The following PDCD7 variants were observed in gnomAD, a reference collection of about 807,000 sequenced individuals.
The protein encoded by PDCD7 is programmed cell death 7.
A neutral mutation model predicts 42.1 loss-of-function variants in PDCD7; 40 were observed. That is an observed-to-expected ratio of 0.95 (90% CI 0.74 to 1.24). PDCD7 has a LOEUF of 1.24. PDCD7 is among the 50% of genes most tolerant of loss of function. The probability of loss-of-function intolerance (pLI) is 0.00; values close to 1 mark genes in which losing one functional copy is unlikely to be tolerated. For synonymous variants in PDCD7, 299 were observed against 303.3 expected (o/e 0.99, Z 0.15); for missense variants, 644 against 662.8 (o/e 0.97, Z 0.31).
intron 1 of PDCD7, among the ~76,000 whole-genome samples, chr15:65,130,631 CT>C (rs2087532200): frequency 6.6e-6 from 1 of 152,202 alleles, no homozygotes; most frequent in South Asian, 2.1e-4. Context: ...TTGGATTACT[CT>C]GTTTCCCTGG....
At chr15:65,131,831 G>A (rs967036802) in intron 1 of PDCD7, among the ~76,000 whole-genome samples, 1 of 152,080 alleles carries the variant, frequency 6.6e-6, no homozygotes, top group East Asian at 1.9e-4. Context: ...AAGAGTCTGA[G>A]ATCAATACGC....
intron 1 of PDCD7, 152 bp from the exon 2 acceptor site, chr15:65,129,322 C>G (rs2087521303): frequency 1.2e-6 from 1 of 802,276 alleles, no homozygotes; most frequent in African/African-American, 1.7e-5. Context: ...AGGCCTTGCA[C>G]AACTCCCCTC....
At chr15:65,124,196 T>C (rs1029940007) in intron 2 of PDCD7, among the ~76,000 whole-genome samples, 2 of 151,290 alleles carry the variant, frequency 1.3e-5, no homozygotes, top group African/African-American at 4.9e-5. Context: ...CTGAGGCGGG[T>C]AGATTACCTG....
intron 4 of PDCD7, 62 bp downstream of exon 4, chr15:65,119,314 A>C: frequency 9.1e-7 from 1 of 1,093,544 alleles, no homozygotes; most frequent in Non-Finnish European, 1.4e-6. Context: ...CAATGTAAGC[A>C]CTTCTTCAAG....
chr15:65,126,594 A>C (rs187725826), intron 2 of PDCD7, among the ~76,000 whole-genome samples: 42 of 152,152 alleles, frequency 2.8e-4, no homozygotes, highest in African/African-American at 1.0e-3. Flanking sequence ...TCTCTACAAA[A>C]AATTTAAAAA....
At position 65,129,079 on chromosome 15, in the gene PDCD7, G is replaced by GC. The variant is rs777926110; in HGVS notation, c.961dup (p.Ala321GlyfsTer26). Reference sequence around the variant, plus strand: ...CCTCAGTTTCCTCAATTTCTCCAAAGCCCGTAGAATGTCCACCATTCTTTT... The same window carrying GC: ...CCTCAGTTTCCTCAATTTCTCCAAAGCCCCGTAGAATGTCCACCATTCTTTT... On this transcript the variant is annotated frameshift_variant, in exon 2 of 5. Transcript: ENST00000204549. LOFTEE classifies it high-confidence loss of function. 3.1e-6 allele frequency: 5 copies of GC among 1,614,026 alleles called. No individual in the cohort carries two copies. The East Asian group carries it at 1.1e-4, about 36-fold the overall frequency.
At chr15:65,119,286 G>A in intron 4 of PDCD7, 90 bp downstream of exon 4, 6 of 728,856 alleles carry the variant, frequency 8.2e-6, no homozygotes, top group South Asian at 1.9e-5. Flanking sequence ...AAAAAAAAAA[G>A]ACAGTAATAG....
Position 65,118,684 on chromosome 15 carries a change from C to T in PDCD7, c.*33G>A, listed in dbSNP as rs758078611. 2.1e-5 allele frequency: 33 copies of T among 1,559,048 alleles called. No individual in the cohort carries two copies. Among genetic ancestry groups the T allele is most frequent in the African/African-American group, 2.8e-5 (2 of 72,556 alleles). On this transcript the variant is annotated 3_prime_UTR_variant, in exon 5 of 5. Coordinates refer to ENST00000204549, the MANE Select transcript of PDCD7 (RefSeq NM_005707.2). ...CGCTAATATTTACAGCTGGAAAGAGCGCTGGCTGGACCACACTCCTGGAGC... is the reference window on the plus strand; with the variant it reads ...CGCTAATATTTACAGCTGGAAAGAGTGCTGGCTGGACCACACTCCTGGAGC...
chr15:65,125,991 T>A (rs776463839), intron 2 of PDCD7, among the ~76,000 whole-genome samples: 1 of 152,170 alleles, frequency 6.6e-6, no homozygotes, highest in Non-Finnish European at 1.5e-5. Flanking sequence ...TCAGATCTCA[T>A]GAGACTTATG....
intron 1 of PDCD7, among the ~76,000 whole-genome samples, chr15:65,129,387 A>G (rs1314441563): frequency 1.3e-5 from 2 of 151,884 alleles, no homozygotes; most frequent in Non-Finnish European, 2.9e-5. Context: ...TTAAAGGAGA[A>G]CCTCTCCTCT....
chr15:65,132,348 A>G (rs2087547263), intron 1 of PDCD7, among the ~76,000 whole-genome samples: 1 of 148,962 alleles, frequency 6.7e-6, no homozygotes, highest in Admixed American at 6.7e-5. Context: ...CAGTGGTGCG[A>G]TCTCGGCTCA....
intron 2 of PDCD7, among the ~76,000 whole-genome samples, chr15:65,121,756 G>A (rs1429878029): frequency 6.6e-6 from 1 of 152,296 alleles, no homozygotes. Context: ...TGATATCAAA[G>A]AATTACTGCT....
Position 65,133,382 on chromosome 15 carries a change from C to G in PDCD7, c.400G>C (p.Gly134Arg). The change falls in exon 1 of 5, where the codon GGG becomes CGG. Residue 134 changes from glycine to arginine, a missense_variant. By Grantham distance (125) the Gly-to-Arg change is moderately radical. Transcript: ENST00000204549. ...CGCAGGCGTTGGAGGGCCGCATCCC[C>G]GAGCACGTCGGCCGGCGGCGGCGGC... ...EAPPPPADVL[G>R]DAALQRLRDR... 1.7e-6 allele frequency: 2 copies of G among 1,203,110 alleles called. No homozygotes were observed. The highest frequency in any genetic ancestry group is 2.1e-6 in the Non-Finnish European group (2 of 970,246). 74.5% of individuals were successfully genotyped at this position (1,203,110 alleles called of 1,614,324 possible). A position where few individuals can be genotyped will look rare whatever the true frequency, so the allele number is the denominator to read the frequency against.
chr15:65,133,626 G>A lies in PDCD7; in HGVS notation c.156C>T (p.Ser52=), dbSNP rs1229378850. 1 of 1,250,058 alleles carries A rather than the reference G, an allele frequency of 8.0e-7. No individual in the cohort carries two copies. Among genetic ancestry groups the A allele is most frequent in the Non-Finnish European group, 1.0e-6 (1 of 994,746 alleles). 77.4% of individuals were successfully genotyped at this position (1,250,058 alleles called of 1,614,324 possible). The change falls in exon 1 of 5, where the codon TCC becomes TCT. Residue 52 remains serine, a synonymous_variant. Coordinates refer to ENST00000204549, the MANE Select transcript of PDCD7 (RefSeq NM_005707.2). ...PQRPGPFPGA[S]APFLQPPLAL... ...CCAGCGGAGGCTGAAGGAAGGGGGC[G>A]GAGGCCCCCGGAAAAGGGCCGGGCC...
intron 1 of PDCD7, among the ~76,000 whole-genome samples, chr15:65,131,688 G>A (rs2087541188): frequency 6.6e-6 from 1 of 152,164 alleles, no homozygotes; most frequent in African/African-American, 2.4e-5. Flanking sequence ...GGTGGAGGTT[G>A]TGGTGAACCA....
intron 2 of PDCD7, among the ~76,000 whole-genome samples, chr15:65,124,761 A>C (rs1236713843): frequency 6.6e-6 from 1 of 152,158 alleles, no homozygotes; most frequent in Non-Finnish European, 1.5e-5. Context: ...AAACCTCCGG[A>C]CCTGATGTAT....
chr15:65,125,357 C>A (rs1363619581), intron 2 of PDCD7, among the ~76,000 whole-genome samples: 2 of 152,200 alleles, frequency 1.3e-5, no homozygotes, highest in Non-Finnish European at 2.9e-5. Flanking sequence ...CAAAGACACA[C>A]AACACCCCTC....
Position 65,118,596 on chromosome 15 carries a change from G to A in PDCD7, c.*121C>T. On this transcript the variant is annotated 3_prime_UTR_variant, in exon 5 of 5. Transcript: ENST00000204549. ...CACAGAAGGAAAGCATAACTTCAGGGTAGGGGAATGCCACATGGAATTTAG... is the reference window on the plus strand; with the variant it reads ...CACAGAAGGAAAGCATAACTTCAGGATAGGGGAATGCCACATGGAATTTAG... 2 of 1,012,366 alleles carry A rather than the reference G, an allele frequency of 2.0e-6. No homozygotes were observed. Among genetic ancestry groups the A allele is most frequent in the South Asian group, 2.0e-5 (1 of 49,242 alleles). 62.7% of individuals were successfully genotyped at this position (1,012,366 alleles called of 1,614,324 possible). A position where few individuals can be genotyped will look rare whatever the true frequency, so the allele number is the denominator to read the frequency against.
intron 3 of PDCD7, 123 bp from the exon 4 acceptor site, chr15:65,119,586 A>G: frequency 8.2e-7 from 1 of 1,225,812 alleles, no homozygotes; most frequent in Non-Finnish European, 1.2e-6. Flanking sequence ...TGTATCCATG[A>G]GTTCTATGAC....
Sources: gnomAD v4.1 joint callset for allele counts (sites outside exome capture counted in the v4.1 genomes callset) on GRCh38, gnomAD v4.1.1 for gene constraint, MANE v1.5 for transcripts, NCBI Gene and HGNC (gene_info 2026-07-23, HGNC 2026-07-21) for gene names.